Variants in KAZN observed in about 807,000 individuals in gnomAD.
KAZN encodes the protein kazrin.
KAZN carries 40 observed loss-of-function variants against 87.4 expected under a neutral mutation model. The observed-to-expected ratio is 0.46, with a 90% confidence interval of 0.36 to 0.60. KAZN has a LOEUF of 0.60. Among genes scored for constraint, KAZN ranks in the 20% least tolerant of loss-of-function variants. KAZN has a pLI of 0.00. For missense variants in KAZN, 898 were observed against 1,073.9 expected (o/e 0.84, Z 2.29); for synonymous variants, 466 against 458.3 (o/e 1.02, Z -0.22).
chr1:14,368,560 T>A (rs2101006505), intron 2 of KAZN, among the ~76,000 whole-genome samples: 1 of 152,310 alleles, frequency 6.6e-6, no homozygotes, highest in South Asian at 2.1e-4. Context: ...AGAAACAGCT[T>A]TCTTGATAGC....
chr1:15,058,727 A>C (rs1416374498), intron 5 of KAZN, among the ~76,000 whole-genome samples: 1 of 152,164 alleles, frequency 6.6e-6, no homozygotes, highest in East Asian at 1.9e-4. Context: ...ATATACTATT[A>C]AATAACAAGC....
chr1:14,239,841 C>T (rs763451902), intron 2 of KAZN, among the ~76,000 whole-genome samples: 1 of 152,000 alleles, frequency 6.6e-6, no homozygotes, highest in South Asian at 2.1e-4. Flanking sequence ...GTTGCCACAA[C>T]CAACAATGGG....
intron 2 of KAZN, among the ~76,000 whole-genome samples, chr1:14,382,704 A>T (rs1471619075): frequency 2.0e-5 from 3 of 146,592 alleles, no homozygotes; most frequent in Admixed American, 2.0e-4. Flanking sequence ...ACATTTTCTT[A>T]ATCCAGTCTA....
chr1:14,070,219 A>G (rs976340800), intron 1 of KAZN, among the ~76,000 whole-genome samples: 11 of 149,298 alleles, frequency 7.4e-5, no homozygotes, highest in Non-Finnish European at 1.2e-4. Flanking sequence ...GAGGGAGGAG[A>G]CAAATAAGGT....
intron 1 of KAZN, among the ~76,000 whole-genome samples, chr1:14,828,165 T>C (rs929986672): frequency 6.6e-6 from 1 of 152,256 alleles, no homozygotes; most frequent in African/African-American, 2.4e-5. Context: ...CCTGGCAACA[T>C]AGTCACAGTT....
chr1:14,054,936 GCTCCATT>G (rs775027865), intron 1 of KAZN, among the ~76,000 whole-genome samples: 1 of 152,164 alleles, frequency 6.6e-6, no homozygotes, highest in Admixed American at 6.5e-5. Context: ...CTCGACCTCA[GCTCCATT>G]GACATTTTGG....
chr1:14,458,995 C>T (rs1667712232), intron 2 of KAZN, among the ~76,000 whole-genome samples: 1 of 152,172 alleles, frequency 6.6e-6, no homozygotes, highest in African/African-American at 2.4e-5. Context: ...GAAGCTATGG[C>T]AACCCTTGTT....
intron 1 of KAZN, among the ~76,000 whole-genome samples, chr1:13,923,796 A>G (rs75072090): frequency 0.017 from 2,645 of 151,444 alleles, 77 homozygotes; most frequent in African/African-American, 0.061. Context: ...AATATATGCT[A>G]TGTAAGTGGA....
At chr1:14,022,895 A>G (rs1218448491) in intron 1 of KAZN, among the ~76,000 whole-genome samples, 1 of 152,176 alleles carries the variant, frequency 6.6e-6, no homozygotes, top group African/African-American at 2.4e-5. Flanking sequence ...TTCTACCATG[A>G]AGTGTCTCCA....
chr1:14,450,120 G>GT (rs1667187709), intron 2 of KAZN, among the ~76,000 whole-genome samples: 1 of 150,084 alleles, frequency 6.7e-6, no homozygotes, highest in African/African-American at 2.4e-5. Flanking sequence ...GGAGAGTGCT[G>GT]CCCCCCCGCC....
intron 2 of KAZN, among the ~76,000 whole-genome samples, chr1:14,418,491 T>G (rs1232781949): frequency 3.9e-5 from 6 of 152,212 alleles, no homozygotes; most frequent in African/African-American, 1.4e-4. Flanking sequence ...TGTTGTAAGT[T>G]TTCGGGTGGG....
At chr1:14,248,725 C>G (rs1649739529) in intron 2 of KAZN, among the ~76,000 whole-genome samples, 2 of 152,210 alleles carry the variant, frequency 1.3e-5, no homozygotes, top group Non-Finnish European at 2.9e-5. Flanking sequence ...TTCCCAAATT[C>G]TTTGACACTC....
chr1:14,231,743 A>C (rs901106994), intron 2 of KAZN, among the ~76,000 whole-genome samples: 1 of 152,200 alleles, frequency 6.6e-6, no homozygotes, highest in African/African-American at 2.4e-5. Flanking sequence ...CACCTGAATG[A>C]GTTAGGGTAA....
chr1:15,107,767 C>A (rs1251026618), intron 13 of KAZN, among the ~76,000 whole-genome samples: 1 of 152,196 alleles, frequency 6.6e-6, no homozygotes, highest in Admixed American at 6.5e-5. Flanking sequence ...GGTTTCGAGC[C>A]CCAGCATCAC....
intron 1 of KAZN, among the ~76,000 whole-genome samples, chr1:14,717,143 C>T (rs1642836346): frequency 6.6e-6 from 1 of 151,044 alleles, no homozygotes; most frequent in Admixed American, 6.6e-5. Flanking sequence ...TGCATGCTTG[C>T]AGCCTACAGC....
At chr1:14,418,840 A>G (rs1402889741) in intron 2 of KAZN, among the ~76,000 whole-genome samples, 2 of 152,206 alleles carry the variant, frequency 1.3e-5, no homozygotes, top group African/African-American at 4.8e-5. Context: ...TTTGGTTACC[A>G]TGAGTCAGTC....
chr1:14,379,654 C>T lies in KAZN; in HGVS notation c.249+199062C>T, dbSNP rs560122413. On this transcript the variant is annotated intron_variant, in intron 2 of 16. Coordinates refer to the KAZN transcript ENST00000636203. ...GTGGTGGCCATGGGATGAGGTTCCT[C>T]TGCCTGTGGAAAGGGGAGGAAAGAA... Among the ~76,000 whole-genome samples the T allele has an allele frequency of 1.1e-4, 16 of 152,242 alleles. No homozygotes were observed. In the East Asian group the frequency reaches 3.1e-3, roughly 30 times the overall value.
At chr1:14,055,440 C>T (rs778086588) in intron 1 of KAZN, among the ~76,000 whole-genome samples, 4 of 152,130 alleles carry the variant, frequency 2.6e-5, no homozygotes, top group African/African-American at 4.8e-5. Context: ...ATAAGACACA[C>T]GCATGTTGAT....
chr1:14,957,020 G>C (rs1277193623), intron 1 of KAZN, among the ~76,000 whole-genome samples: 2 of 152,068 alleles, frequency 1.3e-5, no homozygotes, highest in Non-Finnish European at 2.9e-5. Context: ...ACTTCTCAAG[G>C]GTGTCCGAGT....
Sources: gnomAD v4.1 joint callset for allele counts (sites outside exome capture counted in the v4.1 genomes callset) on GRCh38, gnomAD v4.1.1 for gene constraint, MANE v1.5 for transcripts, NCBI Gene and HGNC (gene_info 2026-07-23, HGNC 2026-07-21) for gene names.